CTDSPL: variants seen among roughly 807,000 people sequenced by gnomAD.
CTDSPL encodes CTD small phosphatase-like protein.
A neutral mutation model predicts 30.5 loss-of-function variants in CTDSPL; 8 were observed. The ratio of observed to expected loss-of-function variants is 0.26; its 90% confidence interval spans 0.15 to 0.47. CTDSPL has a LOEUF of 0.47. CTDSPL is among the 20% of genes least tolerant of loss of function. The pLI is 0.99. For missense variants in CTDSPL, 248 were observed against 366.1 expected (o/e 0.68, Z 2.63); for synonymous variants, 110 against 137.9 (o/e 0.80, Z 1.42).
At chr3:37,978,798 GTATT>G (rs1181898619) in intron 7 of CTDSPL, among the ~76,000 whole-genome samples, 3 of 152,186 alleles carry the variant, frequency 2.0e-5, no homozygotes, top group Non-Finnish European at 4.4e-5. Context: ...AGTGGAAGTG[GTATT>G]TAGAGACCAC....
intron 4 of CTDSPL, among the ~76,000 whole-genome samples, chr3:37,966,059 C>A (rs1699295572): frequency 6.6e-6 from 1 of 152,218 alleles, no homozygotes; most frequent in African/African-American, 2.4e-5. Flanking sequence ...GTTGCCATCA[C>A]AGCATAGAGA....
intron 1 of CTDSPL, among the ~76,000 whole-genome samples, chr3:37,898,790 T>C (rs1034717712): frequency 1.3e-5 from 2 of 152,146 alleles, no homozygotes; most frequent in African/African-American, 4.8e-5. Context: ...TTACAGATTA[T>C]GTAGGTCTAG....
intron 1 of CTDSPL, among the ~76,000 whole-genome samples, chr3:37,933,164 A>G: frequency 6.6e-6 from 1 of 152,068 alleles, no homozygotes; most frequent in East Asian, 1.9e-4. Flanking sequence ...CAAGAAAAAA[A>G]AAAAAAAAAA....
At chr3:37,947,234 G>T (rs754512063) in intron 2 of CTDSPL, 23 bp downstream of exon 2, 1 of 1,601,204 alleles carries the variant, frequency 6.2e-7, no homozygotes, top group East Asian at 2.2e-5. Flanking sequence ...GAGGAACTGT[G>T]CCCTCCATAA....
chr3:37,975,558 T>G lies in CTDSPL; in HGVS notation c.520-151T>G. The G allele has an allele frequency of 1.6e-6, 1 of 630,612 alleles. No individual in the cohort carries two copies. Among genetic ancestry groups the G allele is most frequent in the South Asian group, 2.5e-5 (1 of 39,550 alleles). 39.1% of individuals were successfully genotyped at this position (630,612 alleles called of 1,614,324 possible). ...AATGGAAGAATCCAGTGCCATCTTA[T>G]GTACACGGAGAGGAAAATAACCAGG... On this transcript the variant is annotated intron_variant, in intron 6 of 7. Transcript: ENST00000273179. This position sits in a 1 kb window ranked among gnomAD's most constrained non-coding sequence, Gnocchi z 4.9.
At chr3:37,955,915 A>G (rs568299440) in intron 2 of CTDSPL, among the ~76,000 whole-genome samples, 1 of 152,290 alleles carries the variant, frequency 6.6e-6, no homozygotes, top group Non-Finnish European at 1.5e-5. Flanking sequence ...GAGTCCCTGT[A>G]TTAGGAATAA....
In CTDSPL at chr3:37,942,602, C is replaced by G. The variant is rs1191688624; in HGVS notation, c.80-4455C>G. On this transcript the variant is annotated intron_variant, in intron 1 of 7. Coordinates refer to ENST00000273179, the MANE Select transcript of CTDSPL (RefSeq NM_001008392.2). ...AGGTTGCAGTGAGCCAAGACTGTAC[C>G]ACTGTACTCCAGCCTGGGTGACAGA... Among the ~76,000 whole-genome samples, 4 of 150,388 alleles carry G rather than the reference C, an allele frequency of 2.7e-5. 1 individual carries two copies. Among genetic ancestry groups the G allele is most frequent in the African/African-American group, 9.7e-5 (4 of 41,406 alleles).
At chr3:37,934,019 G>A (rs1333081657) in intron 1 of CTDSPL, among the ~76,000 whole-genome samples, 2 of 152,154 alleles carry the variant, frequency 1.3e-5, no homozygotes, top group Non-Finnish European at 2.9e-5. Flanking sequence ...CCATATGATG[G>A]AATAAATCAG....
intron 1 of CTDSPL, among the ~76,000 whole-genome samples, chr3:37,932,367 C>T (rs1034904868): frequency 1.3e-5 from 2 of 152,086 alleles, no homozygotes; most frequent in South Asian, 2.1e-4. Flanking sequence ...TCTGCAGATC[C>T]GTAACAACTA....
chr3:37,936,879 A>T (rs1041496675), intron 1 of CTDSPL, among the ~76,000 whole-genome samples: 3 of 152,118 alleles, frequency 2.0e-5, no homozygotes, highest in Non-Finnish European at 4.4e-5. Flanking sequence ...TTCTGCTATA[A>T]ATACTTGAAC....
At chr3:37,971,833 G>A (rs919692322) in intron 6 of CTDSPL, among the ~76,000 whole-genome samples, 2 of 152,216 alleles carry the variant, frequency 1.3e-5, no homozygotes, top group Non-Finnish European at 2.9e-5. Context: ...TTGACTGTCA[G>A]CCAACTGCTA....
intron 1 of CTDSPL, among the ~76,000 whole-genome samples, chr3:37,921,104 G>T (rs1488236866): frequency 6.6e-6 from 1 of 152,230 alleles, no homozygotes; most frequent in Non-Finnish European, 1.5e-5. Context: ...CCCTGCCTCT[G>T]CCCATGACAG....
chr3:37,945,656 A>G (rs964074617), intron 1 of CTDSPL, among the ~76,000 whole-genome samples: 1 of 152,214 alleles, frequency 6.6e-6, no homozygotes, highest in South Asian at 2.1e-4. Flanking sequence ...TATGACAGGC[A>G]CCCAAGGATC....
At chr3:37,876,834 G>A (rs1268709357) in intron 1 of CTDSPL, among the ~76,000 whole-genome samples, 1 of 150,818 alleles carries the variant, frequency 6.6e-6, no homozygotes, top group African/African-American at 2.4e-5. Context: ...ATTAAATTTA[G>A]CAGTGGCTCA....
intron 2 of CTDSPL, among the ~76,000 whole-genome samples, chr3:37,956,452 T>C (rs993910926): frequency 6.6e-6 from 1 of 152,258 alleles, no homozygotes; most frequent in Non-Finnish European, 1.5e-5. Flanking sequence ...ATGAAGTGTT[T>C]CCATCAATTA....
chr3:37,913,970 A>C (rs2125607151), intron 1 of CTDSPL, among the ~76,000 whole-genome samples: 1 of 152,388 alleles, frequency 6.6e-6, no homozygotes, highest in South Asian at 2.1e-4. Context: ...AAATGAATAA[A>C]CAAAAACTGC....
At position 37,964,553 on chromosome 3, in the gene CTDSPL, T is replaced by C. The variant is rs769831114; in HGVS notation, c.268-18T>C. 3.3e-5 allele frequency: 51 copies of C among 1,564,410 alleles called. No homozygotes were observed. Among genetic ancestry groups the C allele is most frequent in the Non-Finnish European group, 4.2e-5 (48 of 1,136,056 alleles). On this transcript the variant is annotated intron_variant, in intron 3 of 7. Coordinates refer to ENST00000273179, the MANE Select transcript of CTDSPL (RefSeq NM_001008392.2). ...GTCTTTTACATAAATGTAATACTGATTTATTTTTCCCCTTTAGCCACCAGC... is the reference window on the plus strand; with the variant it reads ...GTCTTTTACATAAATGTAATACTGACTTATTTTTCCCCTTTAGCCACCAGC...
intron 1 of CTDSPL, among the ~76,000 whole-genome samples, chr3:37,882,136 C>G (rs954017523): frequency 6.6e-6 from 1 of 151,994 alleles, no homozygotes; most frequent in Non-Finnish European, 1.5e-5. Flanking sequence ...GGTGAAACCC[C>G]TTCTCTAGTA....
At chr3:37,943,276 G>A (rs1191732803) in intron 1 of CTDSPL, among the ~76,000 whole-genome samples, 1 of 150,224 alleles carries the variant, frequency 6.7e-6, no homozygotes, top group African/African-American at 2.4e-5. Context: ...GGGGCGGTTG[G>A]CGAAGGCTTC....
Sources: gnomAD v4.1 joint callset for allele counts (sites outside exome capture counted in the v4.1 genomes callset) on GRCh38, gnomAD v4.1.1 for gene constraint, Gnocchi (gnomAD v3.1) non-coding constraint, MANE v1.5 for transcripts, NCBI Gene and HGNC (gene_info 2026-07-23, HGNC 2026-07-21) for gene names.